The following EPHB1 variants were observed in gnomAD, a reference collection of about 807,000 sequenced individuals.
EPHB1 encodes EPH receptor B1, also known as ephrin type-B receptor 1.
Under a neutral mutation model 94.4 loss-of-function variants are expected in EPHB1, and 30 were observed. The ratio of observed to expected loss-of-function variants is 0.32; its 90% CI spans 0.24 to 0.43. The LOEUF (loss-of-function observed/expected upper bound fraction) is 0.43. Ranked by LOEUF, EPHB1 falls within the 20% of genes least tolerant of loss-of-function variation. The probability of loss-of-function intolerance (pLI) is 1.00; values close to 1 mark genes in which losing one functional copy is unlikely to be tolerated. For synonymous variants in EPHB1, 522 were observed against 489.1 expected, an observed-to-expected ratio of 1.07 and a Z score of -0.89; for missense variants, 1,055 against 1,308.3, an observed-to-expected ratio of 0.81 and a Z score of 2.99.
intron 3 of EPHB1, among the ~76,000 whole-genome samples, chr3:135,008,137 G>A (rs1935490329): frequency 6.6e-6 from 1 of 152,184 alleles, no homozygotes; most frequent in Non-Finnish European, 1.5e-5. Flanking sequence ...CTAGATGGGG[G>A]CATGCAGGGC....
intron 5 of EPHB1, among the ~76,000 whole-genome samples, chr3:135,139,966 G>T (rs552110314): frequency 6.6e-6 from 1 of 152,262 alleles, no homozygotes; most frequent in East Asian, 1.9e-4. Context: ...GCTGCTAATA[G>T]CTCCAGAACA....
At chr3:135,222,330 G>A (rs1029442957) in intron 12 of EPHB1, among the ~76,000 whole-genome samples, 4 of 152,164 alleles carry the variant, frequency 2.6e-5, no homozygotes, top group Admixed American at 1.3e-4. Flanking sequence ...GGGATCCAGC[G>A]TGTTCTGTTC....
chr3:135,255,909 G>A (rs533408476), intron 15 of EPHB1, among the ~76,000 whole-genome samples: 1 of 146,566 alleles, frequency 6.8e-6, no homozygotes, highest in South Asian at 2.3e-4. Flanking sequence ...CTCCTGTATT[G>A]GGTGCATATA....
chr3:135,031,009 T>G (rs13064602), intron 3 of EPHB1, among the ~76,000 whole-genome samples: 49,122 of 152,046 alleles, frequency 0.32, 9,212 homozygotes, highest in Non-Finnish European at 0.41. Flanking sequence ...ATCACCCCTT[T>G]CTTTGATTAG....
chr3:135,249,480 G>A lies in EPHB1; in HGVS notation c.2835G>A (p.Gln945=). The part of the protein sequence containing the change: ...AGFTSLQLVT[Q]MTSEDLLRIG... ...TCACCTCCCTCCAGCTGGTCACCCA[G>A]ATGACATCAGAGTAAGTGATGAGAA... The change falls in exon 15 of 16, where the codon CAG becomes CAA. Residue 945 remains glutamine, a synonymous_variant. Coordinates refer to ENST00000398015, the MANE Select transcript of EPHB1 (RefSeq NM_004441.5). 4 of 1,613,568 alleles carry A rather than the reference G, an allele frequency of 2.5e-6. No individual in the cohort carries two copies. Among genetic ancestry groups the A allele is most frequent in the Non-Finnish European group, 3.4e-6 (4 of 1,179,642 alleles).
intron 3 of EPHB1, among the ~76,000 whole-genome samples, chr3:134,955,846 C>T (rs2107718545): frequency 6.6e-6 from 1 of 152,238 alleles, no homozygotes; most frequent in East Asian, 1.9e-4. Context: ...GGAAAATGCC[C>T]CATCTACCCC....
intron 13 of EPHB1, among the ~76,000 whole-genome samples, chr3:135,246,824 C>T (rs1412459589): frequency 6.6e-6 from 1 of 152,140 alleles, no homozygotes; most frequent in African/African-American, 2.4e-5. Context: ...GCTTGATTTT[C>T]ACCCTATTGA....
chr3:135,077,443 C>T (rs1464812), intron 3 of EPHB1, among the ~76,000 whole-genome samples: 143,652 of 152,284 alleles, frequency 0.94, 67,869 homozygotes, highest in Middle Eastern at 0.98. Flanking sequence ...TGATGTCAGC[C>T]GTCCCTCTCA....
At chr3:135,046,992 T>A (rs753518118) in intron 3 of EPHB1, among the ~76,000 whole-genome samples, 11 of 152,180 alleles carry the variant, frequency 7.2e-5, no homozygotes, top group Non-Finnish European at 1.6e-4. Context: ...CTGAGCTTGA[T>A]GTAATGAGTC....
chr3:134,851,924 C>T (rs892395121), intron 1 of EPHB1, among the ~76,000 whole-genome samples: 5 of 152,162 alleles, frequency 3.3e-5, no homozygotes, highest in African/African-American at 1.2e-4. Context: ...TGGTGTGCTT[C>T]CATGGGCCTT....
intron 1 of EPHB1, among the ~76,000 whole-genome samples, chr3:134,878,504 T>C (rs1441979203): frequency 2.6e-5 from 4 of 152,202 alleles, no homozygotes; most frequent in Admixed American, 2.0e-4. Flanking sequence ...TCTCCTAAGG[T>C]TGGATGAGTC....
intron 12 of EPHB1, among the ~76,000 whole-genome samples, chr3:135,203,408 T>C (rs866502253): frequency 6.6e-6 from 1 of 151,876 alleles, no homozygotes; most frequent in African/African-American, 2.4e-5. Context: ...GAACTTAAAG[T>C]AAAATTTAAA....
At chr3:134,995,698 A>T (rs1178152409) in intron 3 of EPHB1, among the ~76,000 whole-genome samples, 1 of 152,252 alleles carries the variant, frequency 6.6e-6, no homozygotes, top group Non-Finnish European at 1.5e-5. Context: ...GCTAGTGGGA[A>T]TATAAAATGG....
At chr3:135,178,106 C>G (rs1942035313) in intron 9 of EPHB1, among the ~76,000 whole-genome samples, 1 of 152,010 alleles carries the variant, frequency 6.6e-6, no homozygotes, top group African/African-American at 2.4e-5. Context: ...AATAACTCAT[C>G]TTTCAGAAAA....
At chr3:134,912,930 G>A (rs1043134520) in intron 1 of EPHB1, among the ~76,000 whole-genome samples, 5 of 152,198 alleles carry the variant, frequency 3.3e-5, no homozygotes, top group Non-Finnish European at 7.3e-5. Flanking sequence ...AGGATTTGGG[G>A]GAATCTGATA....
intron 4 of EPHB1, 100 bp from the exon 5 acceptor site, chr3:135,132,614 C>A: frequency 1.9e-6 from 2 of 1,029,240 alleles, no homozygotes; most frequent in Non-Finnish European, 1.4e-6. Flanking sequence ...GGGAGGCGAG[C>A]GCACTGATGA....
chr3:134,931,676 T>TGAGTGAGC (rs1391776908), intron 2 of EPHB1, among the ~76,000 whole-genome samples: 1 of 152,208 alleles, frequency 6.6e-6, no homozygotes, highest in Non-Finnish European at 1.5e-5. Flanking sequence ...ACCTTCAGGA[T>TGAGTGAGC]GAGTGAGCTG....
At chr3:135,075,537 C>T (rs1017709427) in intron 3 of EPHB1, among the ~76,000 whole-genome samples, 1 of 152,206 alleles carries the variant, frequency 6.6e-6, no homozygotes. Flanking sequence ...TGAAATGTCT[C>T]TTTCTTCTGC....
chr3:134,856,771 G>A (rs2037129847), intron 1 of EPHB1, among the ~76,000 whole-genome samples: 1 of 152,134 alleles, frequency 6.6e-6, no homozygotes, highest in Admixed American at 6.5e-5. Flanking sequence ...TGGACATACT[G>A]GAATAAGTAA....
Sources: gnomAD v4.1 joint callset for allele counts (sites outside exome capture counted in the v4.1 genomes callset) on GRCh38, gnomAD v4.1.1 for gene constraint, MANE v1.5 for transcripts, NCBI Gene and HGNC (gene_info 2026-07-23, HGNC 2026-07-21) for gene names.